The following ADGRL2 variants were observed in gnomAD, a reference collection of about 807,000 sequenced individuals.
The protein encoded by ADGRL2 is adhesion G protein-coupled receptor L2.
ADGRL2 carries 44 observed loss-of-function variants against 157.4 expected under a neutral mutation model. The ratio of observed to expected loss-of-function variants is 0.28; its 90% CI spans 0.22 to 0.36. The LOEUF (loss-of-function observed/expected upper bound fraction) is 0.36. Among genes scored for constraint, ADGRL2 ranks in the 10% least tolerant of loss-of-function variants. The pLI is 1.00. For missense variants in ADGRL2, 1,510 were observed against 1,768.9 expected, an observed-to-expected ratio of 0.85 and a Z score of 2.63; for synonymous variants, 585 against 624.7, an observed-to-expected ratio of 0.94 and a Z score of 0.95.
chr1:81,400,667 ACT>A (rs1252131634), intron 1 of ADGRL2, among the ~76,000 whole-genome samples: 4 of 151,844 alleles, frequency 2.6e-5, no homozygotes, highest in Admixed American at 2.6e-4. Context: ...TGTATCCTAG[ACT>A]CTGTTAGTCC....
At chr1:81,474,469 A>G (rs2078232581) in intron 2 of ADGRL2, among the ~76,000 whole-genome samples, 1 of 152,198 alleles carries the variant, frequency 6.6e-6, no homozygotes, top group Non-Finnish European at 1.5e-5. Flanking sequence ...ATGGGGAAAG[A>G]TGCTTCCTGG....
Position 81,833,657 on chromosome 1 carries a change from G to A in ADGRL2, c.-100-3228G>A, listed in dbSNP as rs183945090. 5.3e-5 allele frequency among the ~76,000 whole-genome samples: 8 copies of A among 152,210 alleles called. 1 individual carries two copies. The highest frequency in any genetic ancestry group is 2.6e-4 in the Admixed American group (4 of 15,282). On this transcript the variant is annotated intron_variant, in intron 1 of 23. Coordinates refer to ENST00000686636, the MANE Select transcript of ADGRL2 (RefSeq NM_001366006.2). The stretch of plus-strand genomic sequence containing the variant: ...AATATGTGACTTAAAATTAGTTAGC[G>A]GTGTTGTCCTTTTAAGTAATTTTGC...
intron 1 of ADGRL2, among the ~76,000 whole-genome samples, chr1:81,436,337 C>A (rs184400670): frequency 6.6e-6 from 1 of 152,122 alleles, no homozygotes; most frequent in Non-Finnish European, 1.5e-5. Context: ...GACTCACTGA[C>A]GGGTTTGATA....
chr1:81,808,666 G>C (rs1571339979), intron 1 of ADGRL2, among the ~76,000 whole-genome samples: 1 of 152,126 alleles, frequency 6.6e-6, no homozygotes. Context: ...TCCATTATAA[G>C]ATATAAATAG....
intron 3 of ADGRL2, among the ~76,000 whole-genome samples, chr1:81,669,208 GGTGA>G: frequency 6.6e-6 from 1 of 152,022 alleles, no homozygotes; most frequent in Middle Eastern, 3.4e-3. Context: ...AATAGATCTG[GGTGA>G]GTATCTAGTA....
chr1:81,769,066 G>C (rs2086251168), intron 2 of ADGRL2, among the ~76,000 whole-genome samples: 1 of 150,976 alleles, frequency 6.6e-6, no homozygotes, highest in South Asian at 2.1e-4. Context: ...CTGGGCGACA[G>C]AGTGAGACTC....
At chr1:81,448,605 G>A (rs1284883137) in intron 2 of ADGRL2, among the ~76,000 whole-genome samples, 1 of 152,022 alleles carries the variant, frequency 6.6e-6, no homozygotes, top group African/African-American at 2.4e-5. Context: ...GGCTATCAAA[G>A]CAGGAGGATC....
chr1:81,329,756 T>G (rs916523277), intron 1 of ADGRL2, among the ~76,000 whole-genome samples: 2 of 152,304 alleles, frequency 1.3e-5, no homozygotes, highest in African/African-American at 4.8e-5. Context: ...GATAGGCATC[T>G]AAGGTTTCAG....
At chr1:81,914,418 T>A (rs182870609) in intron 3 of ADGRL2, among the ~76,000 whole-genome samples, 12 of 152,314 alleles carry the variant, frequency 7.9e-5, no homozygotes, top group Non-Finnish European at 1.5e-4. Flanking sequence ...TATATTTTAT[T>A]CCTGAATTAT....
intron 1 of ADGRL2, among the ~76,000 whole-genome samples, chr1:81,359,107 T>C (rs2100896852): frequency 6.6e-6 from 1 of 151,868 alleles, no homozygotes; most frequent in South Asian, 2.1e-4. Flanking sequence ...GAAAAGAAAA[T>C]CTGTGTAGTT....
intron 3 of ADGRL2, among the ~76,000 whole-genome samples, chr1:81,920,036 C>CA (rs2094942246): frequency 6.6e-6 from 1 of 152,034 alleles, no homozygotes; most frequent in South Asian, 2.1e-4. Context: ...CTATTAACAT[C>CA]AAAAAATATA....
chr1:81,508,721 A>G (rs1176251663), intron 2 of ADGRL2, among the ~76,000 whole-genome samples: 6 of 152,208 alleles, frequency 3.9e-5, no homozygotes, highest in Admixed American at 2.6e-4. Context: ...TACAGAATAC[A>G]TAATAGGGAA....
At chr1:81,324,819 C>T (rs1444669760) in intron 1 of ADGRL2, among the ~76,000 whole-genome samples, 3 of 152,036 alleles carry the variant, frequency 2.0e-5, no homozygotes, top group African/African-American at 4.8e-5. Context: ...CAGGTTCAAG[C>T]GATTCCCCTG....
intron 2 of ADGRL2, chr1:81,502,100 GT>G: frequency 1.3e-6 from 2 of 1,596,030 alleles, no homozygotes; most frequent in Non-Finnish European, 1.7e-6. Context: ...GGATGATGAA[GT>G]TGCAGAGGTG....
rs928005112 is a variant in ADGRL2 at position 81,751,709 on chromosome 1, C to T, written c.-142-10102C>T. ...TGTATCAGTATTAACTTTCTGATTT[C>T]AGTGGTTGTATTTCAGTTATAAAGG... On this transcript the variant is annotated intron_variant, in intron 1 of 20. Coordinates refer to the ADGRL2 transcript ENST00000359929. 6.6e-5 allele frequency among the ~76,000 whole-genome samples: 10 copies of T among 152,046 alleles called. 1 individual carries two copies. Among genetic ancestry groups the T allele is most frequent in the African/African-American group, 2.4e-4 (10 of 41,452 alleles).
At chr1:81,966,350 G>A in intron 12 of ADGRL2, 54 bp from the exon 13 acceptor site, 1 of 1,557,122 alleles carries the variant, frequency 6.4e-7, no homozygotes, top group Non-Finnish European at 8.8e-7. Flanking sequence ...TTTTATCTTA[G>A]TTTATTAACA....
intron 2 of ADGRL2, among the ~76,000 whole-genome samples, chr1:81,523,926 G>A (rs538318823): frequency 2.0e-5 from 3 of 152,150 alleles, no homozygotes; most frequent in East Asian, 1.9e-4. Context: ...GTAGCTGGGT[G>A]TGGTGACAGG....
chr1:81,362,236 T>C (rs1399375350), intron 1 of ADGRL2, among the ~76,000 whole-genome samples: 1 of 151,646 alleles, frequency 6.6e-6, no homozygotes, highest in Non-Finnish European at 1.5e-5. Flanking sequence ...TTTTGAGGAC[T>C]TTTTTTTCCC....
At chr1:81,938,071 T>C (rs746195472) in intron 4 of ADGRL2, among the ~76,000 whole-genome samples, 31 of 151,748 alleles carry the variant, frequency 2.0e-4, no homozygotes, top group Non-Finnish European at 4.0e-4. Context: ...ATGGATGCTT[T>C]TTATGTTTTC....
Sources: gnomAD v4.1 joint callset for allele counts (sites outside exome capture counted in the v4.1 genomes callset) on GRCh38, gnomAD v4.1.1 for gene constraint, MANE v1.5 for transcripts, NCBI Gene and HGNC (gene_info 2026-07-23, HGNC 2026-07-21) for gene names.